Variants in CARD10 observed in about 807,000 individuals in gnomAD.
CARD10 encodes caspase recruitment domain family member 10, also known as caspase recruitment domain-containing protein 10.
In CARD10, 49 loss-of-function variants were observed where a neutral mutation model predicts 114.6. The ratio of observed to expected loss-of-function variants is 0.43; its 90% CI spans 0.34 to 0.54. The LOEUF (loss-of-function observed/expected upper bound fraction) is 0.54, where lower values mean the gene tolerates loss of function less well. Among genes scored for constraint, CARD10 ranks in the 20% least tolerant of loss-of-function variants. The pLI, the probability that CARD10 is intolerant of heterozygous loss-of-function variation, is 0.03. For missense variants in CARD10, 1,206 were observed against 1,397.2 expected, an observed-to-expected ratio of 0.86 and a Z score of 2.18; for synonymous variants, 602 against 593.2, an observed-to-expected ratio of 1.01 and a Z score of -0.21.
chr22:37,494,149 G>T lies in CARD10; in HGVS notation c.2413C>A (p.Pro805Thr). The change falls in exon 16 of 20, where the codon CCC becomes ACC. Residue 805 changes from proline to threonine, a missense_variant. By Grantham distance (38) the Pro-to-Thr change is conservative. This residue lies in a region of CARD10 where 1,068 missense variants were observed against 1,179.1 expected (regional missense o/e 0.91). Coordinates refer to ENST00000251973, the MANE Select transcript of CARD10 (RefSeq NM_014550.4). ...RALDQLRLVR[P>T]KPVGAPAGDS... ...CCTGCAGGCGCCCCCACGGGCTTGG[G>T]CCTCACCAGCCGCAGCTGGTCCAGG... The T allele has an allele frequency of 6.4e-7, 1 of 1,557,456 alleles. No individual in the cohort carries two copies. The highest frequency in any genetic ancestry group is 8.7e-7 in the Non-Finnish European group (1 of 1,150,944).
chr22:37,494,075 C>T lies in CARD10; in HGVS notation c.2476+11G>A, dbSNP rs749248485. The T allele has an allele frequency of 1.3e-5, 20 of 1,535,316 alleles. No homozygotes were observed. Among genetic ancestry groups the T allele is most frequent in the East Asian group, 2.4e-5 (1 of 40,970 alleles). On this transcript the variant is annotated intron_variant, in intron 16 of 19. Coordinates refer to ENST00000251973, the MANE Select transcript of CARD10 (RefSeq NM_014550.4). ...GCAACACGGGATACAGCTTTGCCCCCGCGCACTCACCTGCACAGGGCTCCA... is the reference window on the plus strand; with the variant it reads ...GCAACACGGGATACAGCTTTGCCCCTGCGCACTCACCTGCACAGGGCTCCA...
Position 37,492,230 on chromosome 22 carries a change from C to T in CARD10, c.2751+205G>A, listed in dbSNP as rs1261722222. On this transcript the variant is annotated intron_variant, in intron 18 of 19. Transcript: ENST00000251973. The surrounding 1 kb of genome is among the most constrained non-coding windows in gnomAD (Gnocchi z 5.7). Reference sequence around the variant, plus strand: ...TGTCAGCCAAACACCTCAAGGGGGGCCCACATGCAGTCAACTGCCCCCACC... The same window carrying T: ...TGTCAGCCAAACACCTCAAGGGGGGTCCACATGCAGTCAACTGCCCCCACC... Among the ~76,000 whole-genome samples the T allele has an allele frequency of 1.3e-5, 2 of 152,144 alleles. No individual in the cohort carries two copies. Among genetic ancestry groups the T allele is most frequent in the East Asian group, 1.9e-4 (1 of 5,186 alleles).
Position 37,504,197 on chromosome 22 carries a change from T to C in CARD10, c.1623A>G (p.Ala541=), listed in dbSNP as rs1179751925. ...CCCAGCCATCTCACCTCTTAGGGGGTGCGGGGTCTTCCTCACGCTGCCGGC... is the reference window on the plus strand; with the variant it reads ...CCCAGCCATCTCACCTCTTAGGGGGCGCGGGGTCTTCCTCACGCTGCCGGC... ...ILRRQREEDP[A]PPKRSFSSMS... Residue 541 remains alanine, a synonymous_variant, in exon 9 of 20, where the codon GCA becomes GCG. Transcript: ENST00000251973. 11 of 1,560,102 alleles carry C rather than the reference T, an allele frequency of 7.1e-6. No individual in the cohort carries two copies. Among genetic ancestry groups the C allele is most frequent in the South Asian group, 1.2e-5 (1 of 84,688 alleles).
chr22:37,496,383 C>A lies in CARD10; in HGVS notation c.2059+66G>T. The A allele has an allele frequency of 8.3e-7, 1 of 1,200,872 alleles. No individual in the cohort carries two copies. The highest frequency in any genetic ancestry group is 1.2e-6 in the Non-Finnish European group (1 of 828,580). 74.4% of individuals were successfully genotyped at this position (1,200,872 alleles called of 1,614,324 possible). A position where few individuals can be genotyped will look rare whatever the true frequency, so the allele number is the denominator to read the frequency against. On this transcript the variant is annotated intron_variant, in intron 13 of 19. Coordinates refer to ENST00000251973, the MANE Select transcript of CARD10 (RefSeq NM_014550.4). This position sits in a 1 kb window ranked among gnomAD's most constrained non-coding sequence, Gnocchi z 4.1. ...TTCTCAGGTCCTTGGTCCCTCCCCA[C>A]CCCATGCACCACGGGTTAGAGGACC...
chr22:37,511,516 GAAGAAAGAAGA>G (rs1317923145), intron 3 of CARD10, among the ~76,000 whole-genome samples: 3 of 142,214 alleles, frequency 2.1e-5, no homozygotes, highest in East Asian at 4.3e-4. Flanking sequence ...AAGGAAGAAG[GAAGAAAGAAGA>G]AAGAAAGAAG....
chr22:37,516,283 T>C lies in CARD10; in HGVS notation c.389A>G (p.Glu130Gly). 6.3e-7 allele frequency: 1 copy of C among 1,594,356 alleles called. No individual in the cohort carries two copies. The highest frequency in any genetic ancestry group is 8.5e-7 in the Non-Finnish European group (1 of 1,170,308). The change falls in exon 3 of 20, where the codon GAG becomes GGG. Residue 130 changes from glutamate to glycine, a missense_variant. Glu to Gly is a moderately conservative substitution (Grantham distance 98). Transcript: ENST00000251973. ...CSMILDEEGP[E>G]GLTQFLMTEV... ...TGTCATCAAGAATTGGGTCAGGCCC[T>C]CAGGCCCCTCCTCATCTGCCAGGAC...
chr22:37,504,241 TG>T lies in CARD10; in HGVS notation c.1578del (p.Ser527ValfsTer31), dbSNP rs35832225. 9.5e-6 allele frequency: 15 copies of T among 1,578,904 alleles called. No individual in the cohort carries two copies. The highest frequency in any genetic ancestry group is 4.7e-5 in the South Asian group (4 of 85,948). On this transcript the variant is annotated frameshift_variant, in exon 9 of 20. Coordinates refer to ENST00000251973, the MANE Select transcript of CARD10 (RefSeq NM_014550.4). LOFTEE classifies it high-confidence loss of function. ...INRLSILPFP[P>X]SAGSILRRQR... ...TGCCGGCGGAGGATGGAGCCGGCAC[TG>T]GGGGGGAAGGGCAGGATGGAGAGCC...
At position 37,496,627 on chromosome 22, in the gene CARD10, G is replaced by T; in HGVS notation, c.1948-67C>A. The T allele has an allele frequency of 8.7e-7, 1 of 1,146,584 alleles. No individual in the cohort carries two copies. Among genetic ancestry groups the T allele is most frequent in the Non-Finnish European group, 1.3e-6 (1 of 776,038 alleles). The allele number at this position is 1,146,584 out of a possible 1,614,324, so 71.0% of individuals were successfully genotyped here. On this transcript the variant is annotated intron_variant, in intron 12 of 19. Coordinates refer to ENST00000251973, the MANE Select transcript of CARD10 (RefSeq NM_014550.4). This position sits in a 1 kb window ranked among gnomAD's most constrained non-coding sequence, Gnocchi z 4.1. ...TGAGAGTAGAGCAGCCCAGGGGCTG[G>T]AGGAAGACCAGGTGTGGGGGTGTTT... is the stretch of plus-strand genomic sequence containing the variant.
chr22:37,504,799 G>C (rs370629022), intron 7 of CARD10, 30 bp from the exon 8 acceptor site: 2 of 1,440,420 alleles, frequency 1.4e-6, no homozygotes, highest in Non-Finnish European at 1.9e-6. Flanking sequence ...GGAAGGAGGT[G>C]AGCAGTGCTA....
chr22:37,511,190 C>CA (rs974692163), intron 3 of CARD10, among the ~76,000 whole-genome samples: 4 of 149,958 alleles, frequency 2.7e-5, no homozygotes, highest in East Asian at 2.0e-4. Flanking sequence ...CTCGTCTCGA[C>CA]AAAAAAAATT....
At position 37,517,989 on chromosome 22, in the gene CARD10, G is replaced by A. The variant is rs1417636892; in HGVS notation, c.355C>T (p.Arg119Cys). The part of the protein sequence containing the change: ...TLLTGQEPAQ[R>C]CSMILDEEGP... ...CACTCACCGAGGATCATGGAGCAGC[G>A]CTGGGCGGGTTCCTGGCCCGTGAGC... is the stretch of plus-strand genomic sequence containing the variant. The change falls in exon 2 of 20, where the codon CGC becomes TGC. Residue 119 changes from arginine (R) to cysteine (C), a missense_variant. Arg to Cys is a radical substitution (Grantham distance 180). Around this residue, in one of 2 missense-constraint regions of CARD10, gnomAD observed 138 missense variants for 218.0 expected, o/e 0.63. Coordinates refer to ENST00000251973, the MANE Select transcript of CARD10 (RefSeq NM_014550.4). 2 of 1,613,916 alleles carry A rather than the reference G, an allele frequency of 1.2e-6. No homozygotes were observed. The highest frequency in any genetic ancestry group is 1.7e-5 in the Admixed American group (1 of 60,022).
chr22:37,517,918 G>A, intron 2 of CARD10, 53 bp downstream of exon 2: 1 of 1,589,384 alleles, frequency 6.3e-7, no homozygotes, highest in Admixed American at 1.7e-5. Flanking sequence ...GATGGGGAAA[G>A]GAGCCTGTGC....
chr22:37,507,549 G>C (rs1923454071), intron 6 of CARD10, among the ~76,000 whole-genome samples: 1 of 152,212 alleles, frequency 6.6e-6, no homozygotes, highest in African/African-American at 2.4e-5. Context: ...TTGTCTTTGA[G>C]ATGGACAGAA....
Position 37,496,332 on chromosome 22 carries a change from A to T in CARD10, c.2059+117T>A. 1 of 723,082 alleles carries T rather than the reference A, an allele frequency of 1.4e-6. No homozygotes were observed. The highest frequency in any genetic ancestry group is 1.8e-5 in the South Asian group (1 of 54,972). 44.8% of individuals were successfully genotyped at this position (723,082 alleles called of 1,614,324 possible). A position where few individuals can be genotyped will look rare whatever the true frequency, so the allele number is the denominator to read the frequency against. On this transcript the variant is annotated intron_variant, in intron 13 of 19. Transcript: ENST00000251973. The surrounding 1 kb of genome is among the most constrained non-coding windows in gnomAD (Gnocchi z 4.1). ...CATCAGCAGGCGGGGAGCCAGGAGA[A>T]GGGCAATTGGGGCAAGGCTGGTCCC... is the stretch of plus-strand genomic sequence containing the variant.
intron 18 of CARD10, 87 bp from the exon 19 acceptor site, chr22:37,491,954 C>T (rs1008189679): frequency 3.4e-5 from 30 of 869,812 alleles, no homozygotes; most frequent in African/African-American, 2.6e-4. Flanking sequence ...CCCCTATCAC[C>T]GCCTTCCCAG....
At chr22:37,516,448 A>G (rs1049078145) in intron 2 of CARD10, 150 bp from the exon 3 acceptor site, 3 of 583,322 alleles carry the variant, frequency 5.1e-6, no homozygotes, top group Non-Finnish European at 8.8e-6. Context: ...AGGTCTTCCT[A>G]AACAACACAC....
chr22:37,507,706 T>C, intron 6 of CARD10, 123 bp downstream of exon 6: 8 of 1,268,938 alleles, frequency 6.3e-6, no homozygotes, highest in Non-Finnish European at 9.0e-6. Context: ...TGCCCCGTCC[T>C]AACCCAACAG....
intron 10 of CARD10, among the ~76,000 whole-genome samples, 186 bp downstream of exon 10, chr22:37,502,999 G>A (rs913455506): frequency 1.3e-5 from 2 of 152,258 alleles, no homozygotes; most frequent in African/African-American, 4.8e-5. Flanking sequence ...CTCGGGGTGA[G>A]AGGCTGGAAC....
intron 9 of CARD10, among the ~76,000 whole-genome samples, chr22:37,503,723 G>C (rs1923302810): frequency 6.6e-6 from 1 of 152,282 alleles, no homozygotes; most frequent in South Asian, 2.1e-4. Context: ...CAGTGACAAG[G>C]ATCGCGCCCC....
Sources: allele counts gnomAD v4.1 joint callset (sites outside exome capture counted in the v4.1 genomes callset), GRCh38; gene constraint gnomAD v4.1.1; regional missense constraint gnomAD v4.1.1; non-coding constraint Gnocchi (gnomAD v3.1); transcripts MANE v1.5; gene names NCBI Gene and HGNC (gene_info 2026-07-23, HGNC 2026-07-21).